The following MARK3 variants were observed in gnomAD, a reference collection of about 807,000 sequenced individuals.
MARK3 encodes the protein MAP/microtubule affinity-regulating kinase 3.
MARK3 carries 46 observed loss-of-function variants against 90.1 expected under a neutral mutation model. The ratio of observed to expected loss-of-function variants is 0.51; its 90% CI spans 0.40 to 0.65. The LOEUF (loss-of-function observed/expected upper bound fraction) is 0.65. Among genes scored for constraint, MARK3 ranks in the 30% least tolerant of loss-of-function variants. The pLI, the probability that MARK3 is intolerant of heterozygous loss-of-function variation, is 0.00. For synonymous variants in MARK3, 321 were observed against 332.6 expected, an observed-to-expected ratio of 0.97 and a Z score of 0.38; for missense variants, 818 against 947.2, an observed-to-expected ratio of 0.86 and a Z score of 1.79.
At chr14:103,394,114 CAG>C (rs796490584) in intron 1 of MARK3, among the ~76,000 whole-genome samples, 7 of 152,230 alleles carry the variant, frequency 4.6e-5, no homozygotes, top group African/African-American at 1.7e-4. Flanking sequence ...TAGTAAGAGT[CAG>C]GGAATATTCC....
In MARK3 at chr14:103,426,134, G is replaced by A. The variant is rs138794143; in HGVS notation, c.244-2253G>A. On this transcript the variant is annotated intron_variant, in intron 2 of 17. Transcript: ENST00000429436. ...TCATTCTGTCTCTCACAAGTGTAGA[G>A]TGGAATTTTCCAGAGGTTACATGAT... is the stretch of plus-strand genomic sequence containing the variant. 4.0e-3 allele frequency among the ~76,000 whole-genome samples: 611 copies of A among 152,284 alleles called. 2 individuals carry two copies. The highest frequency in any genetic ancestry group is 0.01 in the Middle Eastern group (3 of 294).
intron 14 of MARK3, among the ~76,000 whole-genome samples, chr14:103,484,782 G>A (rs1230655899): frequency 1.3e-4 from 19 of 151,976 alleles, no homozygotes; most frequent in African/African-American, 4.1e-4. Flanking sequence ...TTAGCTGGGC[G>A]TGGTGGCATG....
chr14:103,389,223 G>A (rs1269734542), intron 1 of MARK3, among the ~76,000 whole-genome samples: 2 of 151,810 alleles, frequency 1.3e-5, no homozygotes, highest in Non-Finnish European at 1.5e-5. Context: ...AATTAGCCGG[G>A]CGTGGTGGCA....
chr14:103,446,004 C>G (rs1347482827), intron 3 of MARK3, among the ~76,000 whole-genome samples: 1 of 152,180 alleles, frequency 6.6e-6, no homozygotes, highest in Non-Finnish European at 1.5e-5. Context: ...GTGTGCCAGC[C>G]TTGGTTTCAG....
intron 2 of MARK3, among the ~76,000 whole-genome samples, chr14:103,424,499 C>G (rs1267721413): frequency 6.7e-6 from 1 of 150,124 alleles, no homozygotes; most frequent in African/African-American, 2.5e-5. Context: ...GCACTCCACC[C>G]TGGACAACAG....
At chr14:103,432,428 TCCTC>T (rs2141090842) in intron 3 of MARK3, among the ~76,000 whole-genome samples, 1 of 152,182 alleles carries the variant, frequency 6.6e-6, no homozygotes, top group East Asian at 1.9e-4. Flanking sequence ...ACCTCAATCT[TCCTC>T]CCTCCCTTCC....
intron 4 of MARK3, 58 bp from the exon 5 acceptor site, chr14:103,451,860 T>A: frequency 8.3e-7 from 1 of 1,201,914 alleles, no homozygotes; most frequent in Non-Finnish European, 1.2e-6. Context: ...TATATGTGCA[T>A]GGTTTGTGCA....
At chr14:103,389,103 A>G (rs1245528338) in intron 1 of MARK3, among the ~76,000 whole-genome samples, 2 of 152,046 alleles carry the variant, frequency 1.3e-5, no homozygotes, top group Non-Finnish European at 2.9e-5. Flanking sequence ...GGTGGCTCAT[A>G]CCTGTAATCC....
chr14:103,496,922 G>C (rs1311491553), intron 15 of MARK3, among the ~76,000 whole-genome samples: 1 of 151,830 alleles, frequency 6.6e-6, no homozygotes, highest in Non-Finnish European at 1.5e-5. Context: ...CATGCCTGTA[G>C]TCCCAGCTAC....
At chr14:103,493,772 G>C (rs1035277049) in intron 15 of MARK3, among the ~76,000 whole-genome samples, 5 of 151,294 alleles carry the variant, frequency 3.3e-5, no homozygotes, top group Non-Finnish European at 7.4e-5. Context: ...CTACCCAGGA[G>C]GCTGAGACAG....
Position 103,491,760 on chromosome 14 carries a change from A to G in MARK3, c.1587-17A>G. ...GTATATCATGTTCTGAGAGCTTCTT[A>G]CTTTCTGATCTCATAGCACTATTCC... On this transcript the variant is annotated splice_polypyrimidine_tract_variant and intron_variant, in intron 14 of 17. Transcript: ENST00000429436. 1 of 1,610,768 alleles carries G rather than the reference A, an allele frequency of 6.2e-7. No homozygotes were observed.
intron 15 of MARK3, among the ~76,000 whole-genome samples, chr14:103,494,593 A>G (rs991627412): frequency 9.3e-5 from 14 of 150,786 alleles, no homozygotes; most frequent in Admixed American, 3.3e-4. Context: ...TTACATGTAT[A>G]TAATGGAAAA....
At position 103,385,851 on chromosome 14, in the gene MARK3, C is replaced by T. The variant is rs966587127; in HGVS notation, c.-179C>T. ...GCAGGGAGAGAATGAGCCCCGGGAC[C>T]CGCCGGGGGACGGCCCGGGCCAGGC... On this transcript the variant is annotated 5_prime_UTR_variant, in exon 1 of 18. Transcript: ENST00000429436. The T allele has an allele frequency of 2.1e-4, 112 of 532,048 alleles. No individual in the cohort carries two copies. Among genetic ancestry groups the T allele is most frequent in the Non-Finnish European group, 3.1e-4 (92 of 301,368 alleles). The allele number at this position is 532,048 out of a possible 1,614,324, so 33.0% of individuals were successfully genotyped here.
chr14:103,409,224 C>A (rs994170954), intron 2 of MARK3, among the ~76,000 whole-genome samples: 16 of 92,012 alleles, frequency 1.7e-4, no homozygotes, highest in African/African-American at 5.6e-4. Context: ...AACAAGTTCT[C>A]ACTCGTAAGT....
At chr14:103,448,581 A>C (rs1419983120) in intron 3 of MARK3, among the ~76,000 whole-genome samples, 1 of 152,196 alleles carries the variant, frequency 6.6e-6, no homozygotes, top group Non-Finnish European at 1.5e-5. Context: ...TAGATACTGA[A>C]TCAGACTAAG....
rs571611660 is a variant in MARK3, at chr14:103,460,073, CTTTTTTTTTTTT to C, written c.484-2312_484-2301del. ...AAAAAGAATAGATTTCCAGCTCCAT[CTTTTTTTTTTTT>C]TTTTTTTTTTTTTTTTTTTGAGACA... On this transcript the variant is annotated intron_variant, in intron 6 of 17. Coordinates refer to ENST00000429436, the MANE Select transcript of MARK3 (RefSeq NM_001128918.3). 8.5e-3 allele frequency among the ~76,000 whole-genome samples: 355 copies of C among 41,726 alleles called. 4 individuals carry two copies. The highest frequency in any genetic ancestry group is 0.032 in the African/African-American group (309 of 9,700). 27.4% of individuals were successfully genotyped at this position (41,726 alleles called of 152,430 possible).
At chr14:103,497,257 A>G (rs2075401328) in intron 15 of MARK3, among the ~76,000 whole-genome samples, 1 of 152,200 alleles carries the variant, frequency 6.6e-6, no homozygotes, top group Admixed American at 6.5e-5. Flanking sequence ...TATAGTAGTT[A>G]GACTTTTTTT....
intron 13 of MARK3, among the ~76,000 whole-genome samples, chr14:103,475,454 G>C (rs1400311250): frequency 2.3e-5 from 1 of 42,736 alleles, no homozygotes; most frequent in Non-Finnish European, 4.6e-5. Context: ...ATAAAGAAAA[G>C]ACATTTATTT....
intron 2 of MARK3, among the ~76,000 whole-genome samples, chr14:103,420,396 A>ATT (rs11414860): frequency 6.6e-6 from 1 of 151,494 alleles, no homozygotes; most frequent in South Asian, 2.1e-4. Context: ...CATCCGGCTG[A>ATT]TTTTTTGTAT....
Sources: allele counts gnomAD v4.1 joint callset (sites outside exome capture counted in the v4.1 genomes callset), GRCh38; gene constraint gnomAD v4.1.1; transcripts MANE v1.5; gene names NCBI Gene and HGNC (gene_info 2026-07-23, HGNC 2026-07-21).